The following SEC14L3 variants were observed in gnomAD, a reference collection of about 807,000 sequenced individuals.
SEC14L3 encodes the protein SEC14 like lipid binding 3, also known as SEC14-like protein 3.
A neutral mutation model predicts 57.4 loss-of-function variants in SEC14L3; 56 were observed. The observed-to-expected ratio is 0.97, with a 90% CI of 0.79 to 1.22. The LOEUF is 1.22. SEC14L3 is among the 50% of genes most tolerant of loss of function. The pLI is 0.00. For missense variants in SEC14L3, 485 were observed against 511.7 expected, an observed-to-expected ratio of 0.95 and a Z score of 0.50; for synonymous variants, 173 against 194.4, an observed-to-expected ratio of 0.89 and a Z score of 0.92.
rs1477974200 is a variant in SEC14L3, at chr22:30,464,861, A to T, written c.623T>A (p.Phe208Tyr). The change falls in exon 8 of 12, where the codon TTC becomes TAC. Residue 208 changes from phenylalanine (F) to tyrosine (Y), a missense_variant. Transcript: ENST00000215812. ...FPVGYNLMKPFLSEDTRRKII... is the reference protein window; with the variant it reads ...FPVGYNLMKPYLSEDTRRKII... ...TTTCCTGCGAGTGTCCTCACTCAGG[A>T]ATGGCTTCATGAGGTTGTAGCCCAC... is the stretch of plus-strand genomic sequence containing the variant. 2.5e-6 allele frequency: 4 copies of T among 1,614,010 alleles called. No individual in the cohort carries two copies. The African/African-American group carries it at 5.3e-5, about 22-fold the overall frequency.
intron 7 of SEC14L3, 25 bp from the exon 8 acceptor site, chr22:30,464,928 T>C (rs1447033057): frequency 1.9e-6 from 3 of 1,613,678 alleles, no homozygotes; most frequent in South Asian, 2.2e-5. Context: ...GTAAGGATAA[T>C]GGGAAGAAAA....
At chr22:30,462,234 G>T in intron 8 of SEC14L3, 42 bp from the exon 9 acceptor site, 1 of 1,574,386 alleles carries the variant, frequency 6.4e-7, no homozygotes, top group Non-Finnish European at 8.6e-7. Context: ...AAGCATGGGG[G>T]GCACCAATTA....
At position 30,459,483 on chromosome 22, in the gene SEC14L3, C is replaced by T. The variant is rs1244761798; in HGVS notation, c.*538G>A. The T allele has an allele frequency of 1.0e-6, 1 of 985,638 alleles. No individual in the cohort carries two copies. The highest frequency in any genetic ancestry group is 1.2e-6 in the Non-Finnish European group (1 of 830,060). 61.1% of individuals were successfully genotyped at this position (985,638 alleles called of 1,614,324 possible). On this transcript the variant is annotated 3_prime_UTR_variant, in exon 12 of 12. Coordinates refer to ENST00000215812, the MANE Select transcript of SEC14L3 (RefSeq NM_174975.5). ...GGGTCTCCAGAAGAGAGTCCAACCC[C>T]ACCACACATCTGCTCCTGTCCAAGG... is the stretch of plus-strand genomic sequence containing the variant.
At chr22:30,457,383 T>C (rs867222379), downstream of SEC14L3, among the ~76,000 whole-genome samples, 87,751 of 138,916 alleles carry the variant, frequency 0.63, 28,722 homozygotes, top group African/African-American at 0.8. Flanking sequence ...ATGTCTTTTT[T>C]TTTTTTTTTT....
chr22:30,449,292 T>C, intron 12 of SEC14L3: 1 of 1,545,962 alleles, frequency 6.5e-7, no homozygotes, highest in African/African-American at 1.4e-5. Flanking sequence ...CAAAAAGAAA[T>C]GAAAATCCTG....
chr22:30,471,291 A>G (rs1336648883), intron 1 of SEC14L3: 2 of 455,760 alleles, frequency 4.4e-6, no homozygotes, highest in Admixed American at 4.7e-5. Flanking sequence ...AAAAAAAAGA[A>G]GAAAAAGAAG....
In SEC14L3 at chr22:30,467,870, C is replaced by A. The variant is rs1286295457; in HGVS notation, c.423+638G>T. 2.0e-5 allele frequency among the ~76,000 whole-genome samples: 3 copies of A among 152,172 alleles called. No individual in the cohort carries two copies. In the East Asian group the frequency reaches 5.8e-4, roughly 29 times the overall value. On this transcript the variant is annotated intron_variant, in intron 5 of 11. Transcript: ENST00000215812. Reference sequence around the variant, plus strand: ...CATTATTTCATTTCACTTTTGCAACCATTATTTATTCATATCCCTGTTTTA... The same window carrying A: ...CATTATTTCATTTCACTTTTGCAACAATTATTTATTCATATCCCTGTTTTA...
intron 12 of SEC14L3, among the ~76,000 whole-genome samples, chr22:30,451,991 C>CAAAAAAAAAA (rs34799395): frequency 3.3e-4 from 11 of 33,704 alleles, no homozygotes; most frequent in Non-Finnish European, 5.3e-4. Flanking sequence ...GACTCCATCT[C>CAAAAAAAAAA]AAAAAAAAAA....
rs753590790 is a variant in SEC14L3 at position 30,470,597 on chromosome 22, G to T, written c.55-15C>A. On this transcript the variant is annotated splice_polypyrimidine_tract_variant and intron_variant, in intron 1 of 11. Transcript: ENST00000215812. ...TTTTCTCGGAACTGGCAAGAGAGATGCTGGTTAAAGTGGCTCTCTCACATT... is the reference window on the plus strand; with the variant it reads ...TTTTCTCGGAACTGGCAAGAGAGATTCTGGTTAAAGTGGCTCTCTCACATT... 6.2e-7 allele frequency: 1 copy of T among 1,614,156 alleles called. No homozygotes were observed. Among genetic ancestry groups the T allele is most frequent in the East Asian group, 2.2e-5 (1 of 44,880 alleles).
Position 30,468,711 on chromosome 22 carries a change from A to T in SEC14L3, c.235-15T>A. Reference sequence around the variant, plus strand: ...TTCTGGATCACCTGGGCATGAAAAGATGCACAGAACTTGGCATTACACACC... The same window carrying T: ...TTCTGGATCACCTGGGCATGAAAAGTTGCACAGAACTTGGCATTACACACC... On this transcript the variant is annotated splice_polypyrimidine_tract_variant and intron_variant, in intron 4 of 11. Coordinates refer to ENST00000215812, the MANE Select transcript of SEC14L3 (RefSeq NM_174975.5). The T allele has an allele frequency of 6.2e-7, 1 of 1,613,786 alleles. No homozygotes were observed. Among genetic ancestry groups the T allele is most frequent in the Non-Finnish European group, 8.5e-7 (1 of 1,179,798 alleles).
At chr22:30,461,904 C>T (rs1051303279) in intron 9 of SEC14L3, 182 bp downstream of exon 9, 17 of 481,554 alleles carry the variant, frequency 3.5e-5, no homozygotes, top group African/African-American at 1.9e-4. Flanking sequence ...GGTTAAAATT[C>T]GCCTATTTCT....
intron 8 of SEC14L3, among the ~76,000 whole-genome samples, chr22:30,464,571 C>T (rs771981034): frequency 1.8e-4 from 28 of 152,184 alleles, no homozygotes; most frequent in Non-Finnish European, 3.4e-4. Flanking sequence ...TCTGGAATTA[C>T]AGGTGTGCAC....
chr22:30,451,688 C>T (rs1934983560), intron 12 of SEC14L3, among the ~76,000 whole-genome samples: 1 of 151,830 alleles, frequency 6.6e-6, no homozygotes, highest in South Asian at 2.1e-4. Context: ...CTTACGAGAT[C>T]AAGAAAAAAA....
chr22:30,455,978 A>G (rs1428468358), downstream of SEC14L3, among the ~76,000 whole-genome samples: 4 of 152,130 alleles, frequency 2.6e-5, no homozygotes, highest in Non-Finnish European at 4.4e-5. Flanking sequence ...CACTTCTGGA[A>G]TGAGGGGGCT....
At chr22:30,450,193 G>T (rs1601805909) in intron 12 of SEC14L3, among the ~76,000 whole-genome samples, 1 of 152,322 alleles carries the variant, frequency 6.6e-6, no homozygotes, top group South Asian at 2.1e-4. Flanking sequence ...GGGGCATGGA[G>T]TCCAGGACGA....
At chr22:30,458,981 G>C (rs1049365156), downstream of SEC14L3, among the ~76,000 whole-genome samples, 1 of 152,054 alleles carries the variant, frequency 6.6e-6, no homozygotes, top group Admixed American at 6.6e-5. Context: ...CTCCAGCCTG[G>C]GTGGGCGACA....
chr22:30,454,819 TTATAA>T (rs1237709292), downstream of SEC14L3, among the ~76,000 whole-genome samples: 1 of 37,816 alleles, frequency 2.6e-5, no homozygotes, highest in Non-Finnish European at 3.7e-5. Flanking sequence ...ATTTTATATA[TTATAA>T]TATAATATAT....
chr22:30,454,805 ATATATT>A, downstream of SEC14L3, among the ~76,000 whole-genome samples: 2 of 47,252 alleles, frequency 4.2e-5, no homozygotes, highest in Non-Finnish European at 6.1e-5. Flanking sequence ...ATTGTATATT[ATATATT>A]TTATATATTA....
rs762179548 is a variant in SEC14L3, at chr22:30,460,044, C to G, written c.1180G>C (p.Asp394His). Residue 394 changes from aspartate to histidine, a missense_variant, in exon 12 of 12, where the codon GAT becomes CAT. Asp to His is a moderately conservative substitution (Grantham distance 81). Coordinates refer to ENST00000215812, the MANE Select transcript of SEC14L3 (RefSeq NM_174975.5). ...LLPDEGMQKY[D>H]KELTPV ...ACCTAGACAGGGGTGAGCTCCTTAT[C>G]ATATTTCTGCATGCCCTCGTCAGGG... 6.3e-5 allele frequency: 102 copies of G among 1,613,928 alleles called. No individual in the cohort carries two copies. The highest frequency in any genetic ancestry group is 8.3e-5 in the Non-Finnish European group (98 of 1,180,018).
Sources: gnomAD v4.1 joint callset for allele counts (sites outside exome capture counted in the v4.1 genomes callset) on GRCh38, gnomAD v4.1.1 for gene constraint, MANE v1.5 for transcripts, NCBI Gene and HGNC (gene_info 2026-07-23, HGNC 2026-07-21) for gene names.